DLGAP1: variants seen among roughly 807,000 people sequenced by gnomAD.
DLGAP1 encodes the protein DLG associated protein 1.
DLGAP1 carries 11 observed loss-of-function variants against 90.8 expected under a neutral mutation model. The ratio of observed to expected loss-of-function variants is 0.12; its 90% CI spans 0.08 to 0.20. DLGAP1 has a LOEUF of 0.20. Ranked by LOEUF, DLGAP1 falls within the 10% of genes least tolerant of loss-of-function variation. DLGAP1 has a pLI of 1.00. For missense variants in DLGAP1, 1,050 were observed against 1,333.8 expected (o/e 0.79, Z 3.31); for synonymous variants, 558 against 540.7 (o/e 1.03, Z -0.44).
intron 4 of DLGAP1, among the ~76,000 whole-genome samples, chr18:3,843,277 C>T (rs1279870745): frequency 6.6e-6 from 1 of 152,212 alleles, no homozygotes; most frequent in Non-Finnish European, 1.5e-5. Context: ...CATCTTATCT[C>T]CCAGCATGCA....
At chr18:3,613,684 T>C (rs1420988175) in intron 7 of DLGAP1, among the ~76,000 whole-genome samples, 1 of 152,140 alleles carries the variant, frequency 6.6e-6, no homozygotes, top group Non-Finnish European at 1.5e-5. Flanking sequence ...AAGTATGAAT[T>C]TATGAACAAT....
intron 1 of DLGAP1, among the ~76,000 whole-genome samples, chr18:4,302,457 G>A (rs988041714): frequency 1.3e-5 from 2 of 152,080 alleles, no homozygotes; most frequent in Non-Finnish European, 2.9e-5. Flanking sequence ...GTACATACGT[G>A]AGCTTTTTTC....
chr18:3,904,989 T>C (rs1213361340), intron 3 of DLGAP1, among the ~76,000 whole-genome samples: 3 of 151,652 alleles, frequency 2.0e-5, no homozygotes, highest in South Asian at 4.1e-4. Context: ...TTCATTATTA[T>C]TATTATTATT....
At chr18:3,831,203 C>T (rs778834119) in intron 4 of DLGAP1, among the ~76,000 whole-genome samples, 1 of 152,118 alleles carries the variant, frequency 6.6e-6, no homozygotes, top group Non-Finnish European at 1.5e-5. Flanking sequence ...GCCACAACCC[C>T]CAGCAGGGTC....
At chr18:4,007,899 A>C (rs948999739) in intron 2 of DLGAP1, among the ~76,000 whole-genome samples, 1 of 152,072 alleles carries the variant, frequency 6.6e-6, no homozygotes, top group Non-Finnish European at 1.5e-5. Flanking sequence ...TCTTTCTATT[A>C]TTATTTTGCA....
intron 1 of DLGAP1, among the ~76,000 whole-genome samples, chr18:4,296,507 C>A (rs1262205145): frequency 6.6e-6 from 1 of 152,202 alleles, no homozygotes; most frequent in Non-Finnish European, 1.5e-5. Context: ...TGTTGAATTT[C>A]TAAAATCTGT....
intron 1 of DLGAP1, among the ~76,000 whole-genome samples, chr18:4,397,555 AT>A (rs545118347): frequency 1.6e-4 from 25 of 152,160 alleles, no homozygotes; most frequent in Admixed American, 1.1e-3. Flanking sequence ...GTCCTCAAAT[AT>A]TTTTTTCCTC....
At chr18:3,741,158 A>ACCACCC (rs2062969959) in intron 6 of DLGAP1, among the ~76,000 whole-genome samples, 1 of 95,032 alleles carries the variant, frequency 1.1e-5, no homozygotes, top group Non-Finnish European at 2.1e-5. Context: ...CATCACCACC[A>ACCACCC]CCATCACCAC....
chr18:4,189,926 C>T (rs541581146), intron 1 of DLGAP1, among the ~76,000 whole-genome samples: 29 of 152,190 alleles, frequency 1.9e-4, no homozygotes, highest in African/African-American at 6.3e-4. Flanking sequence ...GCAACAGGCG[C>T]TCCCATACAT....
At chr18:4,422,018 T>C (rs557612471) in intron 1 of DLGAP1, among the ~76,000 whole-genome samples, 1 of 152,260 alleles carries the variant, frequency 6.6e-6, no homozygotes, top group Admixed American at 6.5e-5. Context: ...CTGGCCTGCA[T>C]ATTGCCTTTA....
intron 2 of DLGAP1, among the ~76,000 whole-genome samples, chr18:4,123,260 C>A (rs2076181253): frequency 2.0e-5 from 3 of 152,050 alleles, no homozygotes; most frequent in Admixed American, 2.0e-4. Flanking sequence ...GGCCAGTTCA[C>A]TTCCTGCATT....
intron 3 of DLGAP1, among the ~76,000 whole-genome samples, chr18:3,988,981 T>C (rs2073905824): frequency 6.6e-6 from 1 of 152,198 alleles, no homozygotes; most frequent in Non-Finnish European, 1.5e-5. Flanking sequence ...GTCACTGTCC[T>C]TTTCCAGAAC....
At chr18:4,287,099 T>A (rs900431431) in intron 1 of DLGAP1, among the ~76,000 whole-genome samples, 2 of 152,150 alleles carry the variant, frequency 1.3e-5, no homozygotes, top group South Asian at 2.1e-4. Flanking sequence ...GTAGATCTGA[T>A]CACAGCTGGT....
intron 9 of DLGAP1, among the ~76,000 whole-genome samples, chr18:3,536,860 C>T (rs747088535): frequency 2.1e-4 from 32 of 151,964 alleles, no homozygotes; most frequent in Non-Finnish European, 4.3e-4. Flanking sequence ...GGGAGAGACA[C>T]GAGGAGAGAA....
chr18:3,942,079 A>G (rs1469389910), intron 3 of DLGAP1, among the ~76,000 whole-genome samples: 1 of 152,236 alleles, frequency 6.6e-6, no homozygotes, highest in African/African-American at 2.4e-5. Flanking sequence ...CAACATGTAT[A>G]GTGAAGATCA....
At chr18:3,866,775 G>T (rs1195823327) in intron 4 of DLGAP1, among the ~76,000 whole-genome samples, 1 of 152,180 alleles carries the variant, frequency 6.6e-6, no homozygotes, top group East Asian at 1.9e-4. Flanking sequence ...CACCAGAGTG[G>T]AAAGGGCAGG....
intron 2 of DLGAP1, among the ~76,000 whole-genome samples, chr18:4,135,623 G>C (rs1290811203): frequency 1.3e-5 from 2 of 151,958 alleles, no homozygotes; most frequent in East Asian, 3.9e-4. Context: ...CCCAGCCACT[G>C]GTAACCATTG....
At chr18:3,595,548 C>G (rs2056532244) in intron 7 of DLGAP1, among the ~76,000 whole-genome samples, 1 of 152,022 alleles carries the variant, frequency 6.6e-6, no homozygotes, top group Non-Finnish European at 1.5e-5. Context: ...TGTGCCTGGA[C>G]CACTTAACAC....
chr18:4,185,165 A>G (rs2077270701), intron 1 of DLGAP1, among the ~76,000 whole-genome samples: 1 of 151,994 alleles, frequency 6.6e-6, no homozygotes, highest in Non-Finnish European at 1.5e-5. Context: ...CTTTTTTCTA[A>G]TATTTTATTT....
Sources: allele counts gnomAD v4.1 joint callset (sites outside exome capture counted in the v4.1 genomes callset), GRCh38; gene constraint gnomAD v4.1.1; transcripts MANE v1.5; gene names NCBI Gene and HGNC (gene_info 2026-07-23, HGNC 2026-07-21).